Variants in ULK4 observed in about 807,000 individuals in gnomAD.
The protein encoded by ULK4 is inactive serine/threonine-protein kinase ULK4.
ULK4 carries 133 observed loss-of-function variants against 160.6 expected under a neutral mutation model. That is an observed-to-expected ratio of 0.83 (90% CI 0.72 to 0.96). The LOEUF is 0.96. Ranked by LOEUF, ULK4 falls within the 40% of genes least tolerant of loss-of-function variation. ULK4 has a pLI of 0.00. For missense variants in ULK4, 1,580 were observed against 1,499.5 expected (o/e 1.05, Z -0.89); for synonymous variants, 534 against 539.8 (o/e 0.99, Z 0.15).
At chr3:41,943,981 C>T (rs1575995726) in intron 2 of ULK4, among the ~76,000 whole-genome samples, 1 of 152,182 alleles carries the variant, frequency 6.6e-6, no homozygotes. Flanking sequence ...GACAGAACAG[C>T]CTTGTGCCTG....
intron 21 of ULK4, among the ~76,000 whole-genome samples, chr3:41,760,277 T>C (rs543111757): frequency 6.6e-6 from 1 of 152,246 alleles, no homozygotes; most frequent in South Asian, 2.1e-4. Flanking sequence ...ACGGTGAGTA[T>C]GTAGAGCAAC....
intron 19 of ULK4, among the ~76,000 whole-genome samples, chr3:41,816,207 T>C (rs1306326689): frequency 1.3e-5 from 2 of 152,024 alleles, no homozygotes; most frequent in Non-Finnish European, 2.9e-5. Flanking sequence ...AGAAAATGAA[T>C]AAATGCACAT....
intron 15 of ULK4, among the ~76,000 whole-genome samples, chr3:41,896,176 C>T (rs1698145667): frequency 6.6e-6 from 1 of 152,148 alleles, no homozygotes; most frequent in Non-Finnish European, 1.5e-5. Context: ...GAACCGACAC[C>T]CCCGACCCAT....
chr3:41,779,754 A>G (rs1462085653), intron 21 of ULK4, among the ~76,000 whole-genome samples: 1 of 76,496 alleles, frequency 1.3e-5, no homozygotes, highest in Non-Finnish European at 2.5e-5. Flanking sequence ...CAAACACCGC[A>G]TATTCTCACT....
In ULK4 at chr3:41,249,353, T is replaced by C. The variant is rs2078701691; in HGVS notation, c.3764+136A>G. 1.3e-5 allele frequency: 10 copies of C among 763,738 alleles called. No individual in the cohort carries two copies. The South Asian group carries it at 2.0e-4, about 15-fold the overall frequency. 47.3% of individuals were successfully genotyped at this position (763,738 alleles called of 1,614,324 possible). ...GCTTCCCTTCCCACACTGGGAAGGATCTCAGTGGACAGTGATGGGCTGGAA... is the reference window on the plus strand; with the variant it reads ...GCTTCCCTTCCCACACTGGGAAGGACCTCAGTGGACAGTGATGGGCTGGAA... On this transcript the variant is annotated intron_variant, in intron 36 of 36. Transcript: ENST00000301831.
At chr3:41,353,881 C>A (rs73831336) in intron 35 of ULK4, among the ~76,000 whole-genome samples, 1 of 152,078 alleles carries the variant, frequency 6.6e-6, no homozygotes, top group East Asian at 1.9e-4. Context: ...TCACCCAAAT[C>A]TCGGTGACTA....
chr3:41,648,008 G>A (rs2034584316), intron 30 of ULK4, among the ~76,000 whole-genome samples: 1 of 152,240 alleles, frequency 6.6e-6, no homozygotes, highest in Non-Finnish European at 1.5e-5. Flanking sequence ...GCCAGGTGCA[G>A]GATATAATCT....
chr3:41,653,089 G>C (rs192531953), intron 30 of ULK4, among the ~76,000 whole-genome samples: 7 of 152,032 alleles, frequency 4.6e-5, no homozygotes, highest in Admixed American at 4.6e-4. Flanking sequence ...CTAATTCCTA[G>C]AGACAGCAAA....
At chr3:41,738,312 G>T (rs1025200276) in intron 22 of ULK4, among the ~76,000 whole-genome samples, 4 of 151,744 alleles carry the variant, frequency 2.6e-5, no homozygotes, top group Non-Finnish European at 4.4e-5. Context: ...TGGCATGTTG[G>T]GTGCTATTGA....
chr3:41,731,981 G>A (rs910584800), intron 22 of ULK4, among the ~76,000 whole-genome samples: 1 of 152,098 alleles, frequency 6.6e-6, no homozygotes, highest in African/African-American at 2.4e-5. Flanking sequence ...CAAAAATCAA[G>A]TCAAAATGGA....
intron 20 of ULK4, among the ~76,000 whole-genome samples, chr3:41,799,145 G>A (rs1040783969): frequency 4.6e-5 from 7 of 152,262 alleles, no homozygotes; most frequent in Non-Finnish European, 8.8e-5. Flanking sequence ...CTGCCACAGA[G>A]AGAAGTGCAA....
intron 17 of ULK4, among the ~76,000 whole-genome samples, chr3:41,877,801 G>T (rs182024270): frequency 5.9e-4 from 89 of 151,848 alleles, no homozygotes; most frequent in African/African-American, 2.0e-3. Flanking sequence ...GGCCAACATG[G>T]TGAAACCCCA....
chr3:41,543,403 GAA>G (rs2086757892), intron 32 of ULK4, among the ~76,000 whole-genome samples: 14 of 36,574 alleles, frequency 3.8e-4, no homozygotes, highest in Non-Finnish European at 5.7e-4. Context: ...AATCCTGTAA[GAA>G]GATGAGATCT....
At chr3:41,266,601 T>C (rs970538620) in intron 35 of ULK4, among the ~76,000 whole-genome samples, 2 of 152,198 alleles carry the variant, frequency 1.3e-5, no homozygotes, top group Non-Finnish European at 2.9e-5. Flanking sequence ...TGGCTTATAA[T>C]ACAAGGTTAG....
At chr3:41,865,837 T>C (rs1696839418) in intron 17 of ULK4, among the ~76,000 whole-genome samples, 1 of 151,932 alleles carries the variant, frequency 6.6e-6, no homozygotes, top group Non-Finnish European at 1.5e-5. Flanking sequence ...TACAAAAATT[T>C]TAGAAACACA....
intron 16 of ULK4, 93 bp downstream of exon 16, chr3:41,895,425 A>C: frequency 1.5e-6 from 1 of 663,076 alleles, no homozygotes; most frequent in Non-Finnish European, 2.3e-6. Context: ...AATTTATGAT[A>C]ATTATTTAGG....
At chr3:41,953,305 T>TATATATATATATATA (rs1491089866) in intron 2 of ULK4, among the ~76,000 whole-genome samples, 1 of 91,806 alleles carries the variant, frequency 1.1e-5, no homozygotes, top group East Asian at 2.1e-4. Context: ...TATATATATA[T>TATATATATATATATA]TTTTTTTTTT....
intron 32 of ULK4, among the ~76,000 whole-genome samples, chr3:41,503,181 T>G (rs935675116): frequency 2.2e-4 from 34 of 152,230 alleles, no homozygotes; most frequent in Admixed American, 3.9e-4. Context: ...AAGGACTAAG[T>G]TAGAATTATG....
intron 32 of ULK4, among the ~76,000 whole-genome samples, chr3:41,523,887 A>G (rs2086019754): frequency 6.6e-6 from 1 of 152,244 alleles, no homozygotes; most frequent in Admixed American, 6.5e-5. Context: ...TATTCTATCA[A>G]CTAATGAATG....
Sources: gnomAD v4.1 joint callset for allele counts (sites outside exome capture counted in the v4.1 genomes callset) on GRCh38, gnomAD v4.1.1 for gene constraint, MANE v1.5 for transcripts, NCBI Gene and HGNC (gene_info 2026-07-23, HGNC 2026-07-21) for gene names.